PDE1C: variants seen among roughly 807,000 people sequenced by gnomAD.
PDE1C encodes the protein phosphodiesterase 1C.
PDE1C carries 62 observed loss-of-function variants against 93.1 expected under a neutral mutation model. The observed-to-expected ratio is 0.67, with a 90% CI of 0.54 to 0.82. PDE1C has a LOEUF of 0.82. Among genes scored for constraint, PDE1C ranks in the 40% least tolerant of loss-of-function variants. The pLI, the probability that PDE1C is intolerant of heterozygous loss-of-function variation, is 0.00. For missense variants in PDE1C, 742 were observed against 884.6 expected (o/e 0.84, Z 2.04); for synonymous variants, 325 against 310.1 (o/e 1.05, Z -0.50).
Position 32,151,441 on chromosome 7 carries a change from T to C in PDE1C, c.308+18344A>G, listed in dbSNP as rs79675304. On this transcript the variant is annotated intron_variant, in intron 3 of 18. Coordinates refer to the PDE1C transcript ENST00000396193. Reference sequence around the variant, plus strand: ...CATTCTGTGAATCTATTTTGGAAATTTGAAATTCGAAATGGTGGGAATATT... The same window carrying C: ...CATTCTGTGAATCTATTTTGGAAATCTGAAATTCGAAATGGTGGGAATATT... Among the ~76,000 whole-genome samples the C allele has an allele frequency of 7.1e-3, 1,083 of 152,314 alleles. 14 individuals are homozygous for C. Among genetic ancestry groups the C allele is most frequent in the African/African-American group, 0.024 (1,014 of 41,568 alleles).
intron 1 of PDE1C, among the ~76,000 whole-genome samples, chr7:32,221,157 G>T (rs1057397994): frequency 6.6e-6 from 1 of 152,146 alleles, no homozygotes; most frequent in African/African-American, 2.4e-5. Flanking sequence ...CCCTCCTCCT[G>T]TGACAAAAAT....
In PDE1C at chr7:32,233,999, A is replaced by T. The variant is rs1407977245; in HGVS notation, c.86-24460T>A. Among the ~76,000 whole-genome samples the T allele has an allele frequency of 1.3e-5, 2 of 152,052 alleles. 1 individual carries two copies. Among genetic ancestry groups the T allele is most frequent in the East Asian group, 3.9e-4 (2 of 5,192 alleles). On this transcript the variant is annotated intron_variant, in intron 1 of 18. Transcript: ENST00000396193. The stretch of plus-strand genomic sequence containing the variant: ...ACAGAAAGTCACTAATATAAAGATA[A>T]CATGAAAATCTCTAATCACTTAAAA...
intron 2 of PDE1C, among the ~76,000 whole-genome samples, chr7:31,981,811 A>G (rs1812414515): frequency 6.6e-6 from 1 of 152,248 alleles, no homozygotes. Flanking sequence ...GAATATTATC[A>G]AAGCAATTTA....
chr7:32,147,133 C>A (rs910000984), intron 3 of PDE1C, among the ~76,000 whole-genome samples: 9 of 150,852 alleles, frequency 6.0e-5, no homozygotes, highest in Non-Finnish European at 1.2e-4. Context: ...GTAAATCAAT[C>A]AGCATACGCT....
rs200921494 is a variant in PDE1C, at chr7:32,098,553, A to G, written c.308+71232T>C. On this transcript the variant is annotated intron_variant, in intron 3 of 18. Transcript: ENST00000396193. ...CCTTCGTGAATCAAAGTAAAGAAAGATAAGTAGAAAGGTAGACACACAGGA... is the reference window on the plus strand; with the variant it reads ...CCTTCGTGAATCAAAGTAAAGAAAGGTAAGTAGAAAGGTAGACACACAGGA... 7.9e-5 allele frequency among the ~76,000 whole-genome samples: 12 copies of G among 152,364 alleles called. No individual in the cohort carries two copies. In the East Asian group the frequency reaches 1.9e-3, roughly 24 times the overall value.
chr7:31,697,117 G>C, the PDE1C span: 1 of 1,613,436 alleles, frequency 6.2e-7, no homozygotes, highest in Non-Finnish European at 8.5e-7. Flanking sequence ...CTTTGCAGCA[G>C]GTAAAAAAGC....
the PDE1C span, among the ~76,000 whole-genome samples, chr7:31,728,212 C>G: frequency 6.6e-6 from 1 of 152,190 alleles, no homozygotes; most frequent in African/African-American, 2.4e-5. Flanking sequence ...GGACAAGGAT[C>G]CTTCCTAAGT....
chr7:32,341,834 G>A lies in PDE1C; in HGVS notation c.310+85988C>T, dbSNP rs191948182. Among the ~76,000 whole-genome samples, 223 of 152,270 alleles carry A rather than the reference G, an allele frequency of 1.5e-3. 1 individual carries two copies. The highest frequency in any genetic ancestry group is 0.01 in the Middle Eastern group (3 of 294). On this transcript the variant is annotated intron_variant, in intron 1 of 1. Transcript: ENST00000672256. ...TTGGTGGTTGGGCTCAAGAATTCTG[G>A]AACCAAACTTCCTAGTTTGAATCTT...
chr7:32,248,209 T>C (rs576515788), intron 1 of PDE1C, among the ~76,000 whole-genome samples: 1 of 152,288 alleles, frequency 6.6e-6, no homozygotes, highest in Non-Finnish European at 1.5e-5. Flanking sequence ...CAGTGGGATA[T>C]ATAAGTTCAG....
intron 15 of PDE1C, among the ~76,000 whole-genome samples, chr7:31,809,531 A>C (rs1787296814): frequency 6.6e-6 from 1 of 152,114 alleles, no homozygotes; most frequent in South Asian, 2.1e-4. Context: ...ATATCACTCA[A>C]TACAGTTATT....
the PDE1C span, among the ~76,000 whole-genome samples, chr7:31,633,426 C>G: frequency 6.6e-6 from 1 of 152,174 alleles, no homozygotes; most frequent in South Asian, 2.1e-4. Flanking sequence ...AAATGACCAT[C>G]TATAAGGAGT....
chr7:32,285,302 T>A (rs1343360499), intron 1 of PDE1C, among the ~76,000 whole-genome samples: 1 of 152,182 alleles, frequency 6.6e-6, no homozygotes, highest in Non-Finnish European at 1.5e-5. Context: ...GGCAGTTCCC[T>A]AAATGTTATA....
the PDE1C span, among the ~76,000 whole-genome samples, chr7:31,641,807 A>G: frequency 1.3e-5 from 2 of 152,220 alleles, no homozygotes; most frequent in Admixed American, 6.5e-5. Flanking sequence ...ACACAAATAT[A>G]TAAAATGTGG....
At chr7:32,235,417 C>CA (rs35521570) in intron 1 of PDE1C, among the ~76,000 whole-genome samples, 40,324 of 146,406 alleles carry the variant, frequency 0.28, 5,647 homozygotes, top group East Asian at 0.42. Flanking sequence ...AAGGAATCTA[C>CA]AAAAAAAAAA....
At chr7:31,732,176 C>A in the PDE1C span, among the ~76,000 whole-genome samples, 1 of 152,330 alleles carries the variant, frequency 6.6e-6, no homozygotes, top group East Asian at 1.9e-4. Context: ...TTCTTCCAAT[C>A]TTTTCTGCCA....
At chr7:31,909,989 T>A (rs1041666014) in intron 2 of PDE1C, among the ~76,000 whole-genome samples, 1 of 152,186 alleles carries the variant, frequency 6.6e-6, no homozygotes, top group East Asian at 1.9e-4. Context: ...CCCCAAGTTG[T>A]GACAACTAAA....
chr7:31,697,276 G>T, the PDE1C span, among the ~76,000 whole-genome samples: 2 of 152,178 alleles, frequency 1.3e-5, no homozygotes, highest in Admixed American at 6.5e-5. Context: ...TACCTTTTAG[G>T]TTTATCTCTA....
chr7:31,924,787 G>T (rs946369291), intron 2 of PDE1C, among the ~76,000 whole-genome samples: 1 of 152,036 alleles, frequency 6.6e-6, no homozygotes, highest in East Asian at 1.9e-4. Flanking sequence ...TTTCCCAGAG[G>T]GAAAACTGAT....
At chr7:31,660,808 C>T in the PDE1C span, among the ~76,000 whole-genome samples, 5 of 151,620 alleles carry the variant, frequency 3.3e-5, no homozygotes, top group Admixed American at 6.6e-5. Context: ...TATGAAAATA[C>T]GTATCTAGAG....
Sources: gnomAD v4.1 joint callset for allele counts (sites outside exome capture counted in the v4.1 genomes callset) on GRCh38, gnomAD v4.1.1 for gene constraint, MANE v1.5 for transcripts, NCBI Gene and HGNC (gene_info 2026-07-23, HGNC 2026-07-21) for gene names.